The following AGPAT3 variants were observed in gnomAD, a reference collection of about 807,000 sequenced individuals.
The protein encoded by AGPAT3 is 1-acyl-sn-glycerol-3-phosphate acyltransferase gamma.
In AGPAT3, 5 loss-of-function variants were observed where a neutral mutation model predicts 47.3. That is an observed-to-expected ratio of 0.11 (90% confidence interval 0.06 to 0.22). The LOEUF is 0.22. AGPAT3 is among the 10% of genes least tolerant of loss of function. The pLI is 1.00. For missense variants in AGPAT3, 315 were observed against 493.0 expected, an observed-to-expected ratio of 0.64 and a Z score of 3.42; for synonymous variants, 212 against 208.3, an observed-to-expected ratio of 1.02 and a Z score of -0.15.
rs1406407348 is a variant in AGPAT3 at position 43,983,638 on chromosome 21, C to G, written c.*1246C>G. 3.3e-5 allele frequency: 5 copies of G among 152,344 alleles called. No homozygotes were observed. The highest frequency in any genetic ancestry group is 9.6e-5 in the African/African-American group (4 of 41,584). 9.4% of individuals were successfully genotyped at this position (152,344 alleles called of 1,614,324 possible). On this transcript the variant is annotated 3_prime_UTR_variant, in exon 10 of 10. Coordinates refer to ENST00000291572, the MANE Select transcript of AGPAT3 (RefSeq NM_020132.5). ...CTTGCAGCGAGCCCCTGGCCCACGC[C>G]GAGCGAGGGATGCTTCTCCCTACAG...
Position 43,955,658 on chromosome 21 carries a change from C to T in AGPAT3, c.-48-3976C>T, listed in dbSNP as rs1407622486. Reference sequence around the variant, plus strand: ...CGGTGGCTCACACCTGTAATCCCAGCGCTTTGGGAGGTCGAGTTGGGCGGA... The same window carrying T: ...CGGTGGCTCACACCTGTAATCCCAGTGCTTTGGGAGGTCGAGTTGGGCGGA... On this transcript the variant is annotated intron_variant, in intron 2 of 9. Coordinates refer to ENST00000291572, the MANE Select transcript of AGPAT3 (RefSeq NM_020132.5). This position sits in a 1 kb window ranked among gnomAD's most constrained non-coding sequence, Gnocchi z 4.1. Among the ~76,000 whole-genome samples, 2 of 151,946 alleles carry T rather than the reference C, an allele frequency of 1.3e-5. No individual in the cohort carries two copies. The highest frequency in any genetic ancestry group is 2.4e-5 in the African/African-American group (1 of 41,412).
rs761049471 is a variant in AGPAT3, at chr21:43,970,836, A to G, written c.664+30A>G. 29 of 1,488,372 alleles carry G rather than the reference A, an allele frequency of 1.9e-5. No individual in the cohort carries two copies. The highest frequency in any genetic ancestry group is 2.5e-5 in the Non-Finnish European group (28 of 1,118,054). The allele number at this position is 1,488,372 out of a possible 1,614,324, so 92.2% of individuals were successfully genotyped here. Reference sequence around the variant, plus strand: ...GCCCCAGACTGCCCGAGCCGGGGCCACCGCTATGCTCACGGAAAATAGTGA... The same window carrying G: ...GCCCCAGACTGCCCGAGCCGGGGCCGCCGCTATGCTCACGGAAAATAGTGA... On this transcript the variant is annotated intron_variant, in intron 6 of 9. Transcript: ENST00000291572. This position sits in a 1 kb window ranked among gnomAD's most constrained non-coding sequence, Gnocchi z 5.8.
chr21:43,968,160 CG>C, intron 4 of AGPAT3, 45 bp downstream of exon 4: 1 of 1,108,660 alleles, frequency 9.0e-7, no homozygotes. Flanking sequence ...AGGAGGGTCC[CG>C]GGGAGGGCCG....
intron 2 of AGPAT3, among the ~76,000 whole-genome samples, chr21:43,959,404 G>A (rs1335109825): frequency 2.7e-5 from 4 of 145,834 alleles, no homozygotes; most frequent in Admixed American, 6.9e-5. Flanking sequence ...GTTTGCAGTG[G>A]TGTGTGTGTG....
chr21:43,872,854 T>C (rs1465099157), intron 1 of AGPAT3, among the ~76,000 whole-genome samples: 1 of 152,168 alleles, frequency 6.6e-6, no homozygotes, highest in Non-Finnish European at 1.5e-5. Context: ...CCACTCTGCC[T>C]CCTTGAAGCA....
chr21:43,877,322 C>T (rs1441388250), intron 1 of AGPAT3, among the ~76,000 whole-genome samples: 9 of 152,168 alleles, frequency 5.9e-5, no homozygotes, highest in Admixed American at 5.9e-4. Flanking sequence ...GACTTGTATT[C>T]GGTAGCTGAA....
chr21:43,933,420 G>A lies in AGPAT3; in HGVS notation c.-48-26214G>A, dbSNP rs540838889. Among the ~76,000 whole-genome samples the A allele has an allele frequency of 2.0e-5, 3 of 152,250 alleles. No individual in the cohort carries two copies. The highest frequency in any genetic ancestry group is 4.2e-4 in the South Asian group (2 of 4,810). ...CCAGTGGTCTATGTTTGCTTTTGTC[G>A]TGTATCTTTTTTAAAGCTCTGCCAT... On this transcript the variant is annotated intron_variant, in intron 2 of 9. Transcript: ENST00000291572. This position sits in a 1 kb window ranked among gnomAD's most constrained non-coding sequence, Gnocchi z 6.0.
rs550826588 is a variant in AGPAT3 at position 43,959,534 on chromosome 21, C to T, written c.-48-100C>T. The T allele has an allele frequency of 1.5e-4, 157 of 1,057,386 alleles. 2 individuals carry two copies. Among genetic ancestry groups the T allele is most frequent in the South Asian group, 1.2e-3 (86 of 70,954 alleles). The allele number at this position is 1,057,386 out of a possible 1,614,324, so 65.5% of individuals were successfully genotyped here. On this transcript the variant is annotated intron_variant, in intron 2 of 9. Transcript: ENST00000291572. ...GTGCTGTGCAGCATGTGTGTATAAGCGTGAGGCATGTGCGGGGTGTGCAGT... is the reference window on the plus strand; with the variant it reads ...GTGCTGTGCAGCATGTGTGTATAAGTGTGAGGCATGTGCGGGGTGTGCAGT...
At chr21:43,884,759 C>T (rs1001020207) in intron 1 of AGPAT3, among the ~76,000 whole-genome samples, 2 of 151,408 alleles carry the variant, frequency 1.3e-5, no homozygotes, top group Admixed American at 6.6e-5. Context: ...GTGCTGGGTG[C>T]TGGGTGGCCT....
At chr21:43,870,671 GAGATCGTGCC>G (rs1488149818) in intron 1 of AGPAT3, among the ~76,000 whole-genome samples, 1 of 152,182 alleles carries the variant, frequency 6.6e-6, no homozygotes, top group Non-Finnish European at 1.5e-5. Flanking sequence ...GCAGTGAGCT[GAGATCGTGCC>G]ACTGCACTCC....
At chr21:43,947,419 G>A (rs73371188) in intron 2 of AGPAT3, among the ~76,000 whole-genome samples, 9,464 of 152,244 alleles carry the variant, frequency 0.062, 885 homozygotes, top group African/African-American at 0.2. Flanking sequence ...CTGCCCAAGC[G>A]GAGCTTCTGT....
In AGPAT3 at chr21:43,957,850, A is replaced by G. The variant is rs551153219; in HGVS notation, c.-48-1784A>G. Among the ~76,000 whole-genome samples, 5 of 151,556 alleles carry G rather than the reference A, an allele frequency of 3.3e-5. No homozygotes were observed. In the South Asian group the frequency reaches 1.0e-3, roughly 31 times the overall value. On this transcript the variant is annotated intron_variant, in intron 2 of 9. Coordinates refer to ENST00000291572, the MANE Select transcript of AGPAT3 (RefSeq NM_020132.5). Reference sequence around the variant, plus strand: ...GTTTCCCCCTCCACACGGGGGTTGTAGGGCCGCTCAGTAGGAGTGCTGCCA... The same window carrying G: ...GTTTCCCCCTCCACACGGGGGTTGTGGGGCCGCTCAGTAGGAGTGCTGCCA...
intron 2 of AGPAT3, among the ~76,000 whole-genome samples, chr21:43,935,555 A>G (rs2087416365): frequency 6.6e-6 from 1 of 152,242 alleles, no homozygotes; most frequent in South Asian, 2.1e-4. Flanking sequence ...AGTACTGGGC[A>G]TCGGCGCTGC....
chr21:43,964,559 C>A (rs77982592), intron 3 of AGPAT3, among the ~76,000 whole-genome samples: 2,526 of 151,668 alleles, frequency 0.017, 30 homozygotes, highest in Non-Finnish European at 0.024. Context: ...ACATAGCTTC[C>A]AAAGTATTAG....
rs1310361281 is a variant in AGPAT3, at chr21:43,920,641, G to A, written c.-49+16622G>A. On this transcript the variant is annotated intron_variant, in intron 2 of 9. Transcript: ENST00000291572. The surrounding 1 kb of genome is among the most constrained non-coding windows in gnomAD (Gnocchi z 6.1). Reference sequence around the variant, plus strand: ...ATCACCAGTGGCCGGTGTTCTGCTCGATCGTGCCTGTGTAATGAAGCCTCC... The same window carrying A: ...ATCACCAGTGGCCGGTGTTCTGCTCAATCGTGCCTGTGTAATGAAGCCTCC... 1.3e-5 allele frequency among the ~76,000 whole-genome samples: 2 copies of A among 152,068 alleles called. No homozygotes were observed. Among genetic ancestry groups the A allele is most frequent in the Non-Finnish European group, 2.9e-5 (2 of 68,012 alleles).
intron 1 of AGPAT3, among the ~76,000 whole-genome samples, chr21:43,872,973 C>G (rs2085653699): frequency 6.6e-6 from 1 of 152,262 alleles, no homozygotes; most frequent in African/African-American, 2.4e-5. Context: ...AACAAAACCA[C>G]AGAGAGCTGC....
At chr21:43,969,392 T>C in intron 5 of AGPAT3, 113 bp downstream of exon 5, 3 of 1,375,116 alleles carry the variant, frequency 2.2e-6, no homozygotes, top group Non-Finnish European at 3.0e-6. Flanking sequence ...CCTCTGCACA[T>C]GGGGTGCTGT....
At chr21:43,874,275 C>T (rs1286395691) in intron 1 of AGPAT3, among the ~76,000 whole-genome samples, 1 of 152,226 alleles carries the variant, frequency 6.6e-6, no homozygotes, top group Admixed American at 6.5e-5. Flanking sequence ...ATCCGCCCAC[C>T]TCGGCTTCCC....
chr21:43,957,430 CAG>C (rs1230739332), intron 2 of AGPAT3, among the ~76,000 whole-genome samples: 1 of 152,224 alleles, frequency 6.6e-6, no homozygotes, highest in African/African-American at 2.4e-5. Flanking sequence ...AGGACCAAGT[CAG>C]GGGTTGGCAG....
Sources: gnomAD v4.1 joint callset for allele counts (sites outside exome capture counted in the v4.1 genomes callset) on GRCh38, gnomAD v4.1.1 for gene constraint, Gnocchi (gnomAD v3.1) non-coding constraint, MANE v1.5 for transcripts, NCBI Gene and HGNC (gene_info 2026-07-23, HGNC 2026-07-21) for gene names.